The following IMMP2L variants were observed in gnomAD, a reference collection of about 807,000 sequenced individuals.
IMMP2L encodes the protein inner mitochondrial membrane peptidase subunit 2.
Under a neutral mutation model 19.3 loss-of-function variants are expected in IMMP2L, and 18 were observed. The ratio of observed to expected loss-of-function variants is 0.93; its 90% confidence interval spans 0.64 to 1.38. The LOEUF is 1.38. Ranked by LOEUF, IMMP2L falls within the 40% of genes most tolerant of loss-of-function variation. The probability of loss-of-function intolerance (pLI) is 0.00; values close to 1 mark genes in which losing one functional copy is unlikely to be tolerated. For missense variants in IMMP2L, 233 were observed against 218.2 expected, an observed-to-expected ratio of 1.07 and a Z score of -0.43; for synonymous variants, 76 against 73.0, an observed-to-expected ratio of 1.04 and a Z score of -0.21.
At chr7:111,108,222 TCAAAC>T (rs1369251102) in intron 3 of IMMP2L, among the ~76,000 whole-genome samples, 2 of 152,158 alleles carry the variant, frequency 1.3e-5, no homozygotes, top group Non-Finnish European at 2.9e-5. Flanking sequence ...TGCAGCCACA[TCAAAC>T]CAATTTTCTA....
At chr7:110,975,283 A>G (rs762678078) in intron 3 of IMMP2L, among the ~76,000 whole-genome samples, 9 of 152,158 alleles carry the variant, frequency 5.9e-5, no homozygotes, top group Non-Finnish European at 8.8e-5. Flanking sequence ...TTCAAGCTGT[A>G]TAACTACCCT....
chr7:110,880,956 A>G (rs532855767), intron 5 of IMMP2L, among the ~76,000 whole-genome samples: 71 of 152,228 alleles, frequency 4.7e-4, no homozygotes, highest in African/African-American at 1.6e-3. Context: ...ATAAGACAAA[A>G]TTTGATTTGG....
At chr7:111,231,793 CTA>C (rs967473392) in intron 3 of IMMP2L, among the ~76,000 whole-genome samples, 2 of 151,932 alleles carry the variant, frequency 1.3e-5, no homozygotes, top group Non-Finnish European at 2.9e-5. Context: ...ATAAAAAACT[CTA>C]TAAGTGTAGG....
At chr7:110,738,914 C>A (rs1318362064) in intron 5 of IMMP2L, among the ~76,000 whole-genome samples, 2 of 152,138 alleles carry the variant, frequency 1.3e-5, no homozygotes, top group Non-Finnish European at 2.9e-5. Context: ...TATTTTAAGC[C>A]TCGTTAAACA....
intron 5 of IMMP2L, among the ~76,000 whole-genome samples, chr7:110,670,362 G>C (rs1029470146): frequency 1.3e-5 from 2 of 152,136 alleles, no homozygotes; most frequent in East Asian, 1.9e-4. Flanking sequence ...TTTGTTATGA[G>C]AGTCCTAGCA....
In IMMP2L at chr7:110,973,479, A is replaced by G. The variant is rs538713985; in HGVS notation, c.240-9914T>C. On this transcript the variant is annotated intron_variant, in intron 3 of 5. Coordinates refer to ENST00000405709, the MANE Select transcript of IMMP2L (RefSeq NM_032549.4). ...TTTAGTTGACTGTACACAGTCAGCA[A>G]TAACTATAAAATTTATTGAGGCATG... Among the ~76,000 whole-genome samples the G allele has an allele frequency of 2.0e-5, 3 of 152,180 alleles. No homozygotes were observed. The East Asian group carries it at 5.8e-4, about 29-fold the overall frequency.
At chr7:111,503,256 C>A (rs1304247259) in intron 2 of IMMP2L, among the ~76,000 whole-genome samples, 1 of 152,208 alleles carries the variant, frequency 6.6e-6, no homozygotes, top group Non-Finnish European at 1.5e-5. Flanking sequence ...TACACCCTCC[C>A]AAGACTAAAC....
intron 5 of IMMP2L, among the ~76,000 whole-genome samples, chr7:110,849,023 T>C (rs981006858): frequency 4.6e-5 from 7 of 152,056 alleles, no homozygotes; most frequent in Non-Finnish European, 7.4e-5. Flanking sequence ...GTCAAACCCA[T>C]AGAATGTACA....
At chr7:111,534,550 T>C (rs930243724) in intron 1 of IMMP2L, among the ~76,000 whole-genome samples, 3 of 152,172 alleles carry the variant, frequency 2.0e-5, no homozygotes, top group African/African-American at 7.2e-5. Context: ...TTATGCTTTA[T>C]ATTTTTCCAT....
intron 3 of IMMP2L, among the ~76,000 whole-genome samples, chr7:111,377,294 A>C (rs1830761616): frequency 2.0e-5 from 3 of 151,846 alleles, no homozygotes; most frequent in Non-Finnish European, 4.4e-5. Flanking sequence ...CATATATATA[A>C]AGAAGGAAAA....
At chr7:110,808,474 G>A (rs1034295325) in intron 5 of IMMP2L, among the ~76,000 whole-genome samples, 1 of 152,034 alleles carries the variant, frequency 6.6e-6, no homozygotes. Context: ...TGTCTTCTGA[G>A]CTATTAATTG....
At chr7:110,786,889 CAT>C (rs1300829692) in intron 5 of IMMP2L, among the ~76,000 whole-genome samples, 1 of 151,930 alleles carries the variant, frequency 6.6e-6, no homozygotes, top group Non-Finnish European at 1.5e-5. Context: ...AAAAACATAA[CAT>C]AATGAAAAAT....
At chr7:111,289,586 C>T (rs980573817) in intron 3 of IMMP2L, among the ~76,000 whole-genome samples, 1 of 151,988 alleles carries the variant, frequency 6.6e-6, no homozygotes, top group East Asian at 1.9e-4. Flanking sequence ...CTTTCTGTCG[C>T]TTCAAAGGGA....
intron 3 of IMMP2L, among the ~76,000 whole-genome samples, chr7:110,964,656 T>C (rs542749896): frequency 5.3e-5 from 8 of 152,080 alleles, no homozygotes; most frequent in Non-Finnish European, 1.2e-4. Context: ...CAGACTGTGA[T>C]AGGATTCATC....
chr7:111,301,200 GT>G (rs892795055), intron 3 of IMMP2L, among the ~76,000 whole-genome samples: 4 of 152,062 alleles, frequency 2.6e-5, no homozygotes, highest in African/African-American at 9.7e-5. Flanking sequence ...GCCTAATGAT[GT>G]TGTACGTCTT....
At chr7:111,505,115 C>T (rs1175019827) in intron 2 of IMMP2L, among the ~76,000 whole-genome samples, 1 of 151,616 alleles carries the variant, frequency 6.6e-6, no homozygotes, top group Non-Finnish European at 1.5e-5. Context: ...AGAACTCAAA[C>T]AAATTTACAA....
Position 110,993,656 on chromosome 7 carries a change from C to T in IMMP2L, c.240-30091G>A, listed in dbSNP as rs1418025170. Among the ~76,000 whole-genome samples, 5 of 151,838 alleles carry T rather than the reference C, an allele frequency of 3.3e-5. No individual in the cohort carries two copies. The East Asian group carries it at 7.7e-4, about 23-fold the overall frequency. On this transcript the variant is annotated intron_variant, in intron 3 of 5. Transcript: ENST00000405709. ...AAGTTCTAAAACCCTCCTTATGTGC[C>T]CTCCGACAGTCTGACTTTCTGTCAA...
chr7:110,857,102 A>G (rs1806874244), intron 5 of IMMP2L, among the ~76,000 whole-genome samples: 1 of 152,050 alleles, frequency 6.6e-6, no homozygotes, highest in South Asian at 2.1e-4. Context: ...TGGGATAGCT[A>G]TTTGTGTGCC....
chr7:110,960,506 G>C (rs985245907), intron 4 of IMMP2L, among the ~76,000 whole-genome samples: 5 of 151,786 alleles, frequency 3.3e-5, no homozygotes, highest in African/African-American at 9.7e-5. Flanking sequence ...TGTTTTCAAG[G>C]TTTGCTGACA....
Sources: allele counts gnomAD v4.1 joint callset (sites outside exome capture counted in the v4.1 genomes callset), GRCh38; gene constraint gnomAD v4.1.1; transcripts MANE v1.5; gene names NCBI Gene and HGNC (gene_info 2026-07-23, HGNC 2026-07-21).